Variants in ME3 observed in about 807,000 individuals in gnomAD.
ME3 encodes the protein NADP-dependent malic enzyme, mitochondrial.
ME3 carries 48 observed loss-of-function variants against 68.9 expected under a neutral mutation model. The ratio of observed to expected loss-of-function variants is 0.70; its 90% CI spans 0.55 to 0.89. The LOEUF is 0.89. Among genes scored for constraint, ME3 ranks in the 40% least tolerant of loss-of-function variants. The probability of loss-of-function intolerance (pLI) is 0.00; values close to 1 mark genes in which losing one functional copy is unlikely to be tolerated. For synonymous variants in ME3, 320 were observed against 318.8 expected, an observed-to-expected ratio of 1.00 and a Z score of -0.04; for missense variants, 675 against 797.4, an observed-to-expected ratio of 0.85 and a Z score of 1.85.
intron 2 of ME3, among the ~76,000 whole-genome samples, chr11:86,562,100 G>A (rs775466206): frequency 3.9e-5 from 6 of 151,966 alleles, no homozygotes; most frequent in Non-Finnish European, 8.8e-5. Context: ...AACCTCTGGC[G>A]ACCACTGACC....
At chr11:86,540,818 T>TTC (rs1344537714) in intron 4 of ME3, among the ~76,000 whole-genome samples, 1 of 152,196 alleles carries the variant, frequency 6.6e-6, no homozygotes, top group Non-Finnish European at 1.5e-5. Flanking sequence ...TGCTTGCAGT[T>TTC]TCTCTTAAGC....
intron 4 of ME3, among the ~76,000 whole-genome samples, chr11:86,542,087 A>G (rs1594369574): frequency 6.6e-6 from 1 of 152,374 alleles, no homozygotes; most frequent in East Asian, 1.9e-4. Flanking sequence ...GAAAACTAAC[A>G]AACAGAAAGG....
At chr11:86,501,401 T>C (rs1952715399) in intron 5 of ME3, among the ~76,000 whole-genome samples, 1 of 152,162 alleles carries the variant, frequency 6.6e-6, no homozygotes, top group Non-Finnish European at 1.5e-5. Flanking sequence ...GACCATGCAA[T>C]AATTATCTGT....
chr11:86,578,975 A>G (rs901968085), intron 2 of ME3, among the ~76,000 whole-genome samples: 2 of 152,214 alleles, frequency 1.3e-5, no homozygotes, highest in African/African-American at 4.8e-5. Flanking sequence ...TCATGGCTCT[A>G]GCAAGTTCTA....
At chr11:86,516,371 T>TTTG (rs1565886954) in intron 4 of ME3, among the ~76,000 whole-genome samples, 2 of 49,684 alleles carry the variant, frequency 4.0e-5, no homozygotes, top group African/African-American at 6.8e-5. Context: ...CTCTCTCTCT[T>TTTG]TGTGTGTGTG....
intron 4 of ME3, among the ~76,000 whole-genome samples, chr11:86,525,397 A>T (rs1479105638): frequency 6.6e-6 from 1 of 152,160 alleles, no homozygotes; most frequent in Non-Finnish European, 1.5e-5. Context: ...GGATCCACAA[A>T]ATAACCAGGA....
At chr11:86,596,910 C>G (rs182295149) in intron 2 of ME3, among the ~76,000 whole-genome samples, 1 of 152,228 alleles carries the variant, frequency 6.6e-6, no homozygotes, top group East Asian at 1.9e-4. Flanking sequence ...TGGGCCAAAC[C>G]AAAGTGGACC....
chr11:86,564,779 A>C (rs1957399598), intron 2 of ME3, among the ~76,000 whole-genome samples: 1 of 152,180 alleles, frequency 6.6e-6, no homozygotes, highest in African/African-American at 2.4e-5. Flanking sequence ...CTGATCTTGG[A>C]TTTAGCAATA....
intron 6 of ME3, among the ~76,000 whole-genome samples, chr11:86,488,936 G>A (rs1042958062): frequency 6.6e-6 from 1 of 152,172 alleles, no homozygotes; most frequent in South Asian, 2.1e-4. Context: ...GTGTCATGGA[G>A]AAAATGGTCA....
At chr11:86,516,117 GC>G (rs951565850) in intron 4 of ME3, among the ~76,000 whole-genome samples, 1 of 152,102 alleles carries the variant, frequency 6.6e-6, no homozygotes, top group Non-Finnish European at 1.5e-5. Context: ...TGGAAATCTT[GC>G]TTTTAATAGC....
intron 2 of ME3, among the ~76,000 whole-genome samples, chr11:86,661,575 G>A (rs918879722): frequency 2.0e-5 from 3 of 152,202 alleles, no homozygotes; most frequent in African/African-American, 7.2e-5. Context: ...ACTATACTCA[G>A]AGACAATGCC....
At chr11:86,437,931 C>G (rs545738163), downstream of ME3, among the ~76,000 whole-genome samples, 3 of 152,224 alleles carry the variant, frequency 2.0e-5, no homozygotes, top group African/African-American at 4.8e-5. Flanking sequence ...ATCTGTGAAT[C>G]AAGGCAGTAT....
At chr11:86,656,751 T>G (rs1001501045) in intron 2 of ME3, among the ~76,000 whole-genome samples, 1 of 149,236 alleles carries the variant, frequency 6.7e-6, no homozygotes, top group African/African-American at 2.5e-5. Context: ...AGTATAATAA[T>G]AAAAAAAATT....
chr11:86,481,889 C>T lies in ME3; in HGVS notation c.809+5448G>A, dbSNP rs148071422. 5.3e-5 allele frequency among the ~76,000 whole-genome samples: 8 copies of T among 152,284 alleles called. No individual in the cohort carries two copies. In the East Asian group the frequency reaches 1.2e-3, roughly 22 times the overall value. On this transcript the variant is annotated intron_variant, in intron 7 of 14. Transcript: ENST00000543262. Reference sequence around the variant, plus strand: ...GCCACCCCTTATTCCATGCTCAGGGCAGACATTGCTAATCAACCATGATGC... The same window carrying T: ...GCCACCCCTTATTCCATGCTCAGGGTAGACATTGCTAATCAACCATGATGC...
At position 86,564,332 on chromosome 11, in the gene ME3, A is replaced by G. The variant is rs560437967; in HGVS notation, c.184-4509T>C. ...CAGTTGTAATGCAATCACTATCAAAATTTTAATGGCCTTTCTTTTGCAGAA... is the reference window on the plus strand; with the variant it reads ...CAGTTGTAATGCAATCACTATCAAAGTTTTAATGGCCTTTCTTTTGCAGAA... On this transcript the variant is annotated intron_variant, in intron 2 of 14. Transcript: ENST00000543262. Among the ~76,000 whole-genome samples the G allele has an allele frequency of 9.9e-5, 15 of 152,240 alleles. No individual in the cohort carries two copies. In the East Asian group the frequency reaches 2.9e-3, roughly 29 times the overall value.
chr11:86,490,283 G>A (rs1395131688), intron 6 of ME3, among the ~76,000 whole-genome samples: 1 of 152,150 alleles, frequency 6.6e-6, no homozygotes, highest in African/African-American at 2.4e-5. Context: ...AAGATGGTGG[G>A]TCCTGGCCTC....
chr11:86,597,325 G>C (rs1418583629), intron 2 of ME3, among the ~76,000 whole-genome samples: 2 of 152,190 alleles, frequency 1.3e-5, no homozygotes, highest in Non-Finnish European at 2.9e-5. Flanking sequence ...GTATCCCCGA[G>C]CAATGTGATA....
chr11:86,656,842 G>A (rs572402732), intron 2 of ME3, among the ~76,000 whole-genome samples: 1 of 143,722 alleles, frequency 7.0e-6, no homozygotes, highest in Non-Finnish European at 1.6e-5. Context: ...ACACTAATGC[G>A]GCTGATAAAC....
At chr11:86,451,860 C>G (rs770883314) in intron 8 of ME3, among the ~76,000 whole-genome samples, 1 of 152,226 alleles carries the variant, frequency 6.6e-6, no homozygotes, top group Non-Finnish European at 1.5e-5. Context: ...CAGCAATATG[C>G]TCATGCCTAT....
Sources: gnomAD v4.1 joint callset for allele counts (sites outside exome capture counted in the v4.1 genomes callset) on GRCh38, gnomAD v4.1.1 for gene constraint, MANE v1.5 for transcripts, NCBI Gene and HGNC (gene_info 2026-07-23, HGNC 2026-07-21) for gene names.